Variants in KIAA0825 observed in about 807,000 individuals in gnomAD.
The protein encoded by KIAA0825 is KIAA0825.
In KIAA0825, 119 loss-of-function variants were observed where a neutral mutation model predicts 147.6. The ratio of observed to expected loss-of-function variants is 0.81; its 90% CI spans 0.69 to 0.94. The LOEUF is 0.94. Ranked by LOEUF, KIAA0825 falls within the 40% of genes least tolerant of loss-of-function variation. The pLI, the probability that KIAA0825 is intolerant of heterozygous loss-of-function variation, is 0.00. For synonymous variants in KIAA0825, 470 were observed against 518.1 expected (o/e 0.91, Z 1.26); for missense variants, 1,381 against 1,472.7 (o/e 0.94, Z 1.02).
In KIAA0825 at chr5:94,498,719, C is replaced by A. The variant is rs540791194; in HGVS notation, c.971-13789G>T. 2.0e-5 allele frequency among the ~76,000 whole-genome samples: 3 copies of A among 152,288 alleles called. No individual in the cohort carries two copies. The South Asian group carries it at 6.2e-4, about 32-fold the overall frequency. ...AATTATTTATAGGATAGCTCCTATG[C>A]GCCAGTCACAGTTTTCTCCACTATC... On this transcript the variant is annotated intron_variant, in intron 5 of 20. Transcript: ENST00000682413.
chr5:94,179,885 G>C (rs1165013449), intron 20 of KIAA0825, among the ~76,000 whole-genome samples: 1 of 151,788 alleles, frequency 6.6e-6, no homozygotes, highest in African/African-American at 2.4e-5. Context: ...GAGTAAATTG[G>C]GGAGAAGTGA....
chr5:94,425,430 A>G (rs2150753695), intron 14 of KIAA0825, among the ~76,000 whole-genome samples: 1 of 152,276 alleles, frequency 6.6e-6, no homozygotes, highest in South Asian at 2.1e-4. Context: ...AAAATACAGT[A>G]TCCCTTTGTG....
intron 20 of KIAA0825, among the ~76,000 whole-genome samples, chr5:94,254,755 G>C (rs1776154211): frequency 2.6e-5 from 4 of 152,010 alleles, no homozygotes; most frequent in Admixed American, 2.6e-4. Context: ...AATGTCAGAG[G>C]TATTTCTCAG....
At chr5:94,346,551 G>A (rs1043709964) in intron 20 of KIAA0825, among the ~76,000 whole-genome samples, 4 of 152,020 alleles carry the variant, frequency 2.6e-5, no homozygotes, top group Admixed American at 1.3e-4. Flanking sequence ...AACACACACC[G>A]CCACTGGAGA....
intron 1 of KIAA0825, among the ~76,000 whole-genome samples, chr5:94,599,428 C>G (rs1785945257): frequency 7.6e-6 from 1 of 131,192 alleles, no homozygotes; most frequent in South Asian, 2.4e-4. Flanking sequence ...TATTAGTCTT[C>G]TCAAAAAATG....
intron 20 of KIAA0825, among the ~76,000 whole-genome samples, chr5:94,363,265 C>T (rs13165031): frequency 0.033 from 5,072 of 151,450 alleles, 142 homozygotes; most frequent in East Asian, 0.09. Context: ...ATAAGAGATC[C>T]GCAAGCTTCT....
At chr5:94,417,987 A>T (rs1584434788) in intron 14 of KIAA0825, among the ~76,000 whole-genome samples, 2 of 152,172 alleles carry the variant, frequency 1.3e-5, no homozygotes, top group East Asian at 3.8e-4. Context: ...GCTCCATAAC[A>T]GCCTTCTCAA....
At chr5:94,272,688 C>T (rs894244684) in intron 20 of KIAA0825, among the ~76,000 whole-genome samples, 18 of 152,052 alleles carry the variant, frequency 1.2e-4, no homozygotes, top group African/African-American at 3.9e-4. Flanking sequence ...AAAATAATTC[C>T]TGACTTGGGA....
chr5:94,524,708 T>C (rs904004618), intron 3 of KIAA0825, among the ~76,000 whole-genome samples: 1 of 151,784 alleles, frequency 6.6e-6, no homozygotes, highest in Non-Finnish European at 1.5e-5. Flanking sequence ...AAAGGGTTAA[T>C]AGCAATTATA....
intron 20 of KIAA0825, among the ~76,000 whole-genome samples, chr5:94,216,916 A>C (rs1355335147): frequency 1.3e-5 from 2 of 152,190 alleles, no homozygotes; most frequent in African/African-American, 4.8e-5. Context: ...ATGTTAATTA[A>C]ATAACTTGAA....
chr5:94,366,364 C>T (rs1369069380), intron 20 of KIAA0825, among the ~76,000 whole-genome samples: 1 of 152,140 alleles, frequency 6.6e-6, no homozygotes, highest in East Asian at 1.9e-4. Context: ...AACCCAGACA[C>T]ACATAACACA....
intron 20 of KIAA0825, among the ~76,000 whole-genome samples, chr5:94,226,747 G>A (rs929133341): frequency 2.7e-4 from 41 of 151,980 alleles, no homozygotes; most frequent in African/African-American, 8.9e-4. Flanking sequence ...GACATGAACA[G>A]ACACTTCTCA....
Position 94,565,429 on chromosome 5 carries a change from C to T in KIAA0825, c.-2+17004G>A, listed in dbSNP as rs191624436. Reference sequence around the variant, plus strand: ...CAATCTCAGCTCACCGCAACCTCTGCCTCCCAGGTTGAGGCAATTCTCCTG... The same window carrying T: ...CAATCTCAGCTCACCGCAACCTCTGTCTCCCAGGTTGAGGCAATTCTCCTG... On this transcript the variant is annotated intron_variant, in intron 2 of 20. Coordinates refer to ENST00000682413, the MANE Select transcript of KIAA0825 (RefSeq NM_001145678.3). Among the ~76,000 whole-genome samples, 5 of 151,072 alleles carry T rather than the reference C, an allele frequency of 3.3e-5. No homozygotes were observed. The East Asian group carries it at 9.7e-4, about 29-fold the overall frequency.
In KIAA0825 at chr5:94,567,081, A is replaced by C. The variant is rs542461856; in HGVS notation, c.-2+15352T>G. 1.1e-4 allele frequency among the ~76,000 whole-genome samples: 17 copies of C among 152,292 alleles called. No homozygotes were observed. In the East Asian group the frequency reaches 2.3e-3, roughly 21 times the overall value. On this transcript the variant is annotated intron_variant, in intron 2 of 20. Transcript: ENST00000682413. ...TCCAATAGAAAACTTCATCTCTATC[A>C]AAAGATTTTCCCCATAAGTCTTGGG...
intron 1 of KIAA0825, chr5:94,594,096 G>A: frequency 1.8e-6 from 1 of 543,998 alleles, no homozygotes; most frequent in Admixed American, 1.9e-5. Context: ...TTATGTTAGT[G>A]TTTCTTGGTT....
At chr5:94,483,251 T>G (rs1268145919) in intron 6 of KIAA0825, among the ~76,000 whole-genome samples, 1 of 151,992 alleles carries the variant, frequency 6.6e-6, no homozygotes, top group Admixed American at 6.6e-5. Flanking sequence ...AAAACTGACT[T>G]AATTCCCAAG....
chr5:94,420,587 T>A (rs1754055807), intron 14 of KIAA0825, among the ~76,000 whole-genome samples: 1 of 152,168 alleles, frequency 6.6e-6, no homozygotes, highest in Non-Finnish European at 1.5e-5. Flanking sequence ...ACTATTTTAC[T>A]ATATGACGTT....
At chr5:94,585,497 A>C (rs1783092165) in intron 1 of KIAA0825, among the ~76,000 whole-genome samples, 1 of 152,220 alleles carries the variant, frequency 6.6e-6, no homozygotes, top group Admixed American at 6.5e-5. Flanking sequence ...TAACTATCCT[A>C]AACATATATG....
chr5:94,403,053 T>A (rs572502969), intron 16 of KIAA0825, among the ~76,000 whole-genome samples: 1 of 152,126 alleles, frequency 6.6e-6, no homozygotes, highest in South Asian at 2.1e-4. Context: ...AGAACCAGAA[T>A]CACCGGAGGA....
Sources: gnomAD v4.1 joint callset for allele counts (sites outside exome capture counted in the v4.1 genomes callset) on GRCh38, gnomAD v4.1.1 for gene constraint, MANE v1.5 for transcripts, NCBI Gene and HGNC (gene_info 2026-07-23, HGNC 2026-07-21) for gene names.